ITSN2: variants seen among roughly 807,000 people sequenced by gnomAD.
ITSN2 encodes intersectin 2.
In ITSN2, 156 loss-of-function variants were observed where a neutral mutation model predicts 243.7. That is an observed-to-expected ratio of 0.64 (90% CI 0.56 to 0.73). The LOEUF (loss-of-function observed/expected upper bound fraction) is 0.73, where lower values mean the gene tolerates loss of function less well. ITSN2 is among the 30% of genes least tolerant of loss of function. The pLI is 0.00. For missense variants in ITSN2, 1,801 were observed against 1,996.1 expected, an observed-to-expected ratio of 0.90 and a Z score of 1.86; for synonymous variants, 703 against 699.9, an observed-to-expected ratio of 1.00 and a Z score of -0.07.
chr2:24,327,306 C>CT (rs534684912), intron 2 of ITSN2, among the ~76,000 whole-genome samples: 13 of 146,984 alleles, frequency 8.8e-5, no homozygotes, highest in South Asian at 2.2e-4. Flanking sequence ...TTTTCTTTTT[C>CT]TTTTTTTTTT....
Position 24,203,769 on chromosome 2 carries a change from T to C in ITSN2, c.4951A>G (p.Thr1651Ala). ...QFSPDDFLGR[T>A]EIPVAKIRTE... Reference sequence around the variant, plus strand: ...CGAATTTTTGCCACTGGAATTTCAGTACGACCCAGGAAATCTGGTGAATAA... The same window carrying C: ...CGAATTTTTGCCACTGGAATTTCAGCACGACCCAGGAAATCTGGTGAATAA... The change falls in exon 40 of 40, where the codon ACT becomes GCT. Residue 1651 changes from threonine to alanine, a missense_variant. Coordinates refer to ENST00000355123, the MANE Select transcript of ITSN2 (RefSeq NM_006277.3). 6.2e-7 allele frequency: 1 copy of C among 1,613,834 alleles called. No homozygotes were observed. Among genetic ancestry groups the C allele is most frequent in the Non-Finnish European group, 8.5e-7 (1 of 1,179,866 alleles).
chr2:24,270,635 G>T, intron 20 of ITSN2, 36 bp downstream of exon 20: 1 of 933,040 alleles, frequency 1.1e-6, no homozygotes, highest in South Asian at 1.4e-5. Flanking sequence ...AATGTATTTA[G>T]GTTATTCATG....
chr2:24,262,056 C>T (rs1048174153), intron 20 of ITSN2, among the ~76,000 whole-genome samples: 1 of 152,132 alleles, frequency 6.6e-6, no homozygotes, highest in East Asian at 1.9e-4. Context: ...CCTGACCTGC[C>T]ATTCTTCCTG....
chr2:24,299,819 A>T, intron 12 of ITSN2, 90 bp downstream of exon 12: 1 of 1,158,152 alleles, frequency 8.6e-7, no homozygotes, highest in Non-Finnish European at 1.2e-6. Context: ...CAAAACAAAA[A>T]TTCAAAAATA....
At chr2:24,318,903 G>A (rs1237870428) in intron 2 of ITSN2, among the ~76,000 whole-genome samples, 1 of 152,198 alleles carries the variant, frequency 6.6e-6, no homozygotes, top group Non-Finnish European at 1.5e-5. Flanking sequence ...CACCTGAGCG[G>A]CACCTCCTGT....
intron 4 of ITSN2, among the ~76,000 whole-genome samples, chr2:24,312,837 A>G (rs1280066901): frequency 6.6e-6 from 1 of 152,186 alleles, no homozygotes; most frequent in Non-Finnish European, 1.5e-5. Context: ...TTCTTTAAAG[A>G]AGGAGCAGGG....
At chr2:24,226,664 C>T (rs1460325674) in intron 29 of ITSN2, among the ~76,000 whole-genome samples, 1 of 152,120 alleles carries the variant, frequency 6.6e-6, no homozygotes, top group East Asian at 1.9e-4. Flanking sequence ...AGATTTCTAG[C>T]TGGACAGTTA....
At chr2:24,219,277 C>T (rs1009466041) in intron 30 of ITSN2, among the ~76,000 whole-genome samples, 8 of 152,196 alleles carry the variant, frequency 5.3e-5, no homozygotes, top group Admixed American at 1.3e-4. Flanking sequence ...CTGGCATAGC[C>T]CTTTGCACAT....
At chr2:24,240,494 C>T (rs1672600008) in intron 29 of ITSN2, 1 of 152,130 alleles carries the variant, frequency 6.6e-6, no homozygotes. Flanking sequence ...TCCCTACATC[C>T]TAATAATGTG....
intron 36 of ITSN2, 122 bp downstream of exon 36, chr2:24,208,976 TAA>T: frequency 9.4e-7 from 1 of 1,068,742 alleles, no homozygotes; most frequent in East Asian, 2.5e-5. Context: ...GGGGATGTGT[TAA>T]GAGAGGTTCA....
At chr2:24,216,564 T>C (rs1669971166) in intron 31 of ITSN2, among the ~76,000 whole-genome samples, 1 of 152,010 alleles carries the variant, frequency 6.6e-6, no homozygotes, top group African/African-American at 2.4e-5. Flanking sequence ...GAGACCAGCT[T>C]GGGCAACATA....
intron 1 of ITSN2, among the ~76,000 whole-genome samples, chr2:24,351,245 A>G (rs902363228): frequency 6.6e-6 from 1 of 152,172 alleles, no homozygotes; most frequent in Non-Finnish European, 1.5e-5. Context: ...ATTAAACTAC[A>G]TACCAGCTAG....
intron 1 of ITSN2, among the ~76,000 whole-genome samples, chr2:24,354,231 A>C (rs1688257462): frequency 1.3e-5 from 2 of 152,250 alleles, no homozygotes; most frequent in Non-Finnish European, 2.9e-5. Flanking sequence ...CTGGCCCAAG[A>C]TAAACCACAC....
intron 1 of ITSN2, chr2:24,334,834 C>A (rs1259966964): frequency 1.9e-5 from 16 of 826,592 alleles, no homozygotes; most frequent in East Asian, 1.5e-4. Context: ...GAGGCCGAGG[C>A]GGGCGGATCA....
chr2:24,307,008 G>A (rs900698411), intron 8 of ITSN2, among the ~76,000 whole-genome samples: 4 of 152,112 alleles, frequency 2.6e-5, no homozygotes, highest in Non-Finnish European at 5.9e-5. Flanking sequence ...GTTTCACCAT[G>A]TTGGCCAGGA....
At chr2:24,317,471 G>A (rs942387101) in intron 2 of ITSN2, among the ~76,000 whole-genome samples, 2 of 152,060 alleles carry the variant, frequency 1.3e-5, no homozygotes, top group Non-Finnish European at 2.9e-5. Flanking sequence ...CTGGATCAAT[G>A]AAGGCTCAGA....
chr2:24,224,703 G>A (rs1322556265), intron 29 of ITSN2, among the ~76,000 whole-genome samples: 1 of 151,618 alleles, frequency 6.6e-6, no homozygotes, highest in South Asian at 2.1e-4. Flanking sequence ...GCGCGATCTC[G>A]GCTCACTACA....
At chr2:24,324,474 GTT>G (rs1461560596) in intron 2 of ITSN2, among the ~76,000 whole-genome samples, 1 of 151,978 alleles carries the variant, frequency 6.6e-6, no homozygotes, top group Admixed American at 6.5e-5. Context: ...CAACCCATCT[GTT>G]TGTTTACTGC....
At chr2:24,275,339 TCA>T (rs1677882989) in intron 18 of ITSN2, among the ~76,000 whole-genome samples, 1 of 152,244 alleles carries the variant, frequency 6.6e-6, no homozygotes, top group African/African-American at 2.4e-5. Flanking sequence ...CAGGCGTGTG[TCA>T]CCACGCCCAG....
Sources: allele counts gnomAD v4.1 joint callset (sites outside exome capture counted in the v4.1 genomes callset), GRCh38; gene constraint gnomAD v4.1.1; transcripts MANE v1.5; gene names NCBI Gene and HGNC (gene_info 2026-07-23, HGNC 2026-07-21).